The following EIF4G3 variants were observed in gnomAD, a reference collection of about 807,000 sequenced individuals.
EIF4G3 encodes eukaryotic translation initiation factor 4 gamma 3, also known as eIF-4-gamma 3.
A neutral mutation model predicts 186.4 loss-of-function variants in EIF4G3; 34 were observed. The ratio of observed to expected loss-of-function variants is 0.18; its 90% CI spans 0.14 to 0.24. The LOEUF (loss-of-function observed/expected upper bound fraction) is 0.24. Among genes scored for constraint, EIF4G3 ranks in the 10% least tolerant of loss-of-function variants. The pLI is 1.00. For synonymous variants in EIF4G3, 673 were observed against 679.5 expected (o/e 0.99, Z 0.15); for missense variants, 1,536 against 1,948.5 (o/e 0.79, Z 3.99).
At chr1:20,893,931 C>T (rs1053463744) in intron 17 of EIF4G3, among the ~76,000 whole-genome samples, 12 of 149,124 alleles carry the variant, frequency 8.0e-5, no homozygotes, top group African/African-American at 3.0e-4. Context: ...AACTGAATGG[C>T]ACAAGACAAG....
intron 22 of EIF4G3, among the ~76,000 whole-genome samples, chr1:20,863,049 A>G (rs1195602680): frequency 6.6e-6 from 1 of 152,116 alleles, no homozygotes; most frequent in African/African-American, 2.4e-5. Context: ...TCAGCCTCCC[A>G]AAGTATTAGG....
At chr1:20,922,646 C>T (rs2094565255) in intron 14 of EIF4G3, among the ~76,000 whole-genome samples, 1 of 152,226 alleles carries the variant, frequency 6.6e-6, no homozygotes, top group Non-Finnish European at 1.5e-5. Context: ...TTCTGATACA[C>T]AGCAAAGTTA....
intron 2 of EIF4G3, among the ~76,000 whole-genome samples, chr1:21,117,187 C>T (rs1360612968): frequency 6.6e-6 from 1 of 152,028 alleles, no homozygotes; most frequent in Non-Finnish European, 1.5e-5. Context: ...AGGCTAAAGG[C>T]ATTTTTGAAT....
intron 4 of EIF4G3, 122 bp from the exon 5 acceptor site, chr1:21,002,930 T>A (rs1457671581): frequency 1.9e-6 from 1 of 524,166 alleles, no homozygotes; most frequent in African/African-American, 2.0e-5. Context: ...TTCTACTTTT[T>A]AAAAATTTAA....
At position 21,162,916 on chromosome 1, in the gene EIF4G3, G is replaced by T. The variant is rs530465868; in HGVS notation, c.-272+13259C>A. On this transcript the variant is annotated intron_variant, in intron 2 of 36. Transcript: ENST00000602326. ...TGTTAAAGACCTCAAATAAATTTGAGTTGGCATGAACTTTATGGTTAGGCA... is the reference window on the plus strand; with the variant it reads ...TGTTAAAGACCTCAAATAAATTTGATTTGGCATGAACTTTATGGTTAGGCA... Among the ~76,000 whole-genome samples, 5 of 152,260 alleles carry T rather than the reference G, an allele frequency of 3.3e-5. No individual in the cohort carries two copies. In the South Asian group the frequency reaches 1.0e-3, roughly 32 times the overall value.
At chr1:21,056,285 C>T (rs777338189) in intron 3 of EIF4G3, among the ~76,000 whole-genome samples, 3 of 152,150 alleles carry the variant, frequency 2.0e-5, no homozygotes, top group South Asian at 2.1e-4. Flanking sequence ...AATAGAAGAA[C>T]TAGAATTTCT....
intron 7 of EIF4G3, among the ~76,000 whole-genome samples, chr1:20,987,055 C>A (rs1320398419): frequency 1.3e-5 from 2 of 152,128 alleles, no homozygotes; most frequent in African/African-American, 4.8e-5. Flanking sequence ...CTTACTTTCC[C>A]AGAAACACTC....
At chr1:21,158,734 T>C (rs556405830) in intron 2 of EIF4G3, among the ~76,000 whole-genome samples, 1 of 139,132 alleles carries the variant, frequency 7.2e-6, no homozygotes, top group East Asian at 1.9e-4. Context: ...CGTACATACA[T>C]ATACATACAC....
intron 24 of EIF4G3, 64 bp downstream of exon 24, chr1:20,860,321 T>C: frequency 1.9e-6 from 3 of 1,601,446 alleles, no homozygotes; most frequent in Admixed American, 1.7e-5. Context: ...CCTAAATACA[T>C]AATTCTTAAT....
intron 6 of EIF4G3, among the ~76,000 whole-genome samples, chr1:20,998,336 A>T (rs551490263): frequency 6.6e-6 from 1 of 152,148 alleles, no homozygotes; most frequent in Non-Finnish European, 1.5e-5. Flanking sequence ...AGTCTCTAAC[A>T]TGATTAATCC....
At chr1:21,067,353 G>C (rs754083959) in intron 3 of EIF4G3, among the ~76,000 whole-genome samples, 1 of 151,778 alleles carries the variant, frequency 6.6e-6, no homozygotes, top group Non-Finnish European at 1.5e-5. Flanking sequence ...GGCTGGTCTC[G>C]AACTCCCAAC....
chr1:21,057,342 AC>A (rs1175117120), intron 3 of EIF4G3, among the ~76,000 whole-genome samples: 2 of 152,186 alleles, frequency 1.3e-5, no homozygotes, highest in African/African-American at 4.8e-5. Flanking sequence ...ATAAAAAACT[AC>A]CATAACACAA....
chr1:21,137,469 T>A (rs1290637068), intron 2 of EIF4G3, among the ~76,000 whole-genome samples: 1 of 151,930 alleles, frequency 6.6e-6, no homozygotes, highest in Non-Finnish European at 1.5e-5. Flanking sequence ...CCATCATCTA[T>A]GAAAAAAATT....
intron 3 of EIF4G3, among the ~76,000 whole-genome samples, chr1:21,079,603 G>A (rs2095699901): frequency 6.6e-6 from 1 of 150,838 alleles, no homozygotes; most frequent in South Asian, 2.1e-4. Context: ...AGTATCTCTT[G>A]AGCCTAAAAG....
At chr1:21,023,795 T>G in intron 4 of EIF4G3, among the ~76,000 whole-genome samples, 1 of 121,916 alleles carries the variant, frequency 8.2e-6, no homozygotes, top group East Asian at 2.5e-4. Flanking sequence ...CCGGCCGCCA[T>G]CCCATCTAGG....
intron 2 of EIF4G3, among the ~76,000 whole-genome samples, chr1:21,097,167 G>T (rs2096394375): frequency 6.6e-6 from 1 of 152,190 alleles, no homozygotes; most frequent in South Asian, 2.1e-4. Flanking sequence ...TACAAATAGT[G>T]TGCAGATTCT....
intron 2 of EIF4G3, among the ~76,000 whole-genome samples, chr1:21,166,869 C>A (rs935571759): frequency 5.3e-5 from 8 of 152,000 alleles, no homozygotes; most frequent in African/African-American, 9.7e-5. Flanking sequence ...GCAGCCTTAA[C>A]CTCCTAGGCT....
At position 21,131,258 on chromosome 1, in the gene EIF4G3, C is replaced by A. The variant is rs562947776; in HGVS notation, c.-271-42045G>T. 1.0e-3 allele frequency among the ~76,000 whole-genome samples: 117 copies of A among 113,066 alleles called. 2 individuals carry two copies. Among genetic ancestry groups the A allele is most frequent in the Non-Finnish European group, 6.7e-4 (34 of 51,034 alleles). 74.2% of individuals were successfully genotyped at this position (113,066 alleles called of 152,430 possible). A position where few individuals can be genotyped will look rare whatever the true frequency, so the allele number is the denominator to read the frequency against. On this transcript the variant is annotated intron_variant, in intron 2 of 36. Transcript: ENST00000602326. Reference sequence around the variant, plus strand: ...CTGCCTCAAAAAAAAAAAAAAAAATCAACGAACTTAAAGATACATTAAGAT... The same window carrying A: ...CTGCCTCAAAAAAAAAAAAAAAAATAAACGAACTTAAAGATACATTAAGAT...
In EIF4G3 at chr1:20,840,899, G is replaced by A. The variant is rs1426961092; in HGVS notation, c.4018C>T (p.Leu1340=). Residue 1340 remains leucine (L), a synonymous_variant, in exon 30 of 37, where the codon CTG becomes TTG. Transcript: ENST00000602326. ...RDHMGQLLYQ[L]VQSEKLSKQD... ...TTGCTGAGTTTTTCTGACTGTACCA[G>A]CTGATAGAGTAATTGGCCCATGTGA... 1.2e-6 allele frequency: 2 copies of A among 1,614,098 alleles called. No individual in the cohort carries two copies. Among genetic ancestry groups the A allele is most frequent in the Admixed American group, 3.3e-5 (2 of 60,000 alleles).
Sources: allele counts gnomAD v4.1 joint callset (sites outside exome capture counted in the v4.1 genomes callset), GRCh38; gene constraint gnomAD v4.1.1; transcripts MANE v1.5; gene names NCBI Gene and HGNC (gene_info 2026-07-23, HGNC 2026-07-21).